Variants in ADGRL3 observed in about 807,000 individuals in gnomAD.
ADGRL3 encodes the protein adhesion G protein-coupled receptor L3.
In ADGRL3, 62 loss-of-function variants were observed where a neutral mutation model predicts 153.5. That is an observed-to-expected ratio of 0.40 (90% CI 0.33 to 0.50). The LOEUF is 0.50. ADGRL3 is among the 20% of genes least tolerant of loss of function. The probability of loss-of-function intolerance (pLI) is 0.47; values close to 1 mark genes in which losing one functional copy is unlikely to be tolerated. For missense variants in ADGRL3, 1,641 were observed against 1,859.4 expected (o/e 0.88, Z 2.16); for synonymous variants, 710 against 672.5 (o/e 1.06, Z -0.86).
rs576258088 is a variant in ADGRL3 at position 61,411,031 on chromosome 4, A to G, written c.-174+27842A>G. 4.6e-4 allele frequency among the ~76,000 whole-genome samples: 70 copies of G among 152,304 alleles called. 2 individuals carry two copies. The highest frequency in any genetic ancestry group is 4.0e-3 in the Admixed American group (61 of 15,298). ...AAATTCAGAGATAAAATTGGTAAGA[A>G]TTTCAGGGAGATTATTGAGGTATGA... On this transcript the variant is annotated intron_variant, in intron 2 of 26. Transcript: ENST00000683033.
chr4:61,296,976 A>G (rs946201696), intron 1 of ADGRL3, among the ~76,000 whole-genome samples: 5 of 152,194 alleles, frequency 3.3e-5, no homozygotes, highest in African/African-American at 1.2e-4. Flanking sequence ...CACTATTTCA[A>G]AAGAGAAAGA....
intron 23 of ADGRL3, among the ~76,000 whole-genome samples, chr4:62,031,974 C>T (rs1178428836): frequency 2.9e-5 from 4 of 137,072 alleles, no homozygotes; most frequent in Non-Finnish European, 5.0e-5. Context: ...CACACACACA[C>T]ACACACACAC....
At chr4:61,419,423 G>A (rs2097177799) in intron 2 of ADGRL3, among the ~76,000 whole-genome samples, 1 of 150,592 alleles carries the variant, frequency 6.6e-6, no homozygotes, top group Admixed American at 6.6e-5. Flanking sequence ...GCCAACCCAG[G>A]GGGCAAGGTG....
At chr4:61,914,200 A>T (rs2098734853) in intron 13 of ADGRL3, among the ~76,000 whole-genome samples, 1 of 152,110 alleles carries the variant, frequency 6.6e-6, no homozygotes. Context: ...TCTCCTGAGC[A>T]ACACAAGAAC....
intron 17 of ADGRL3, among the ~76,000 whole-genome samples, chr4:61,978,397 A>C (rs559666706): frequency 1.3e-4 from 20 of 151,908 alleles, no homozygotes; most frequent in Admixed American, 1.1e-3. Context: ...AATATAGTAC[A>C]CTGATTTTCT....
chr4:61,436,581 A>C (rs1468849411), intron 2 of ADGRL3, among the ~76,000 whole-genome samples: 1 of 152,188 alleles, frequency 6.6e-6, no homozygotes, highest in Non-Finnish European at 1.5e-5. Context: ...GAGCAATGAA[A>C]TCTGCCAAAG....
At chr4:61,930,170 T>A (rs2098811811) in intron 13 of ADGRL3, among the ~76,000 whole-genome samples, 1 of 145,170 alleles carries the variant, frequency 6.9e-6, no homozygotes, top group African/African-American at 2.6e-5. Context: ...AGCAAGACTC[T>A]GTCTCAAAAA....
At chr4:62,019,240 T>C (rs2099226879) in intron 21 of ADGRL3, among the ~76,000 whole-genome samples, 1 of 152,098 alleles carries the variant, frequency 6.6e-6, no homozygotes, top group African/African-American at 2.4e-5. Context: ...GAATTATTCG[T>C]TGAGTTTTAG....
intron 21 of ADGRL3, among the ~76,000 whole-genome samples, chr4:62,023,282 C>T (rs1231228857): frequency 1.3e-5 from 2 of 152,116 alleles, no homozygotes; most frequent in Non-Finnish European, 2.9e-5. Flanking sequence ...GCAATCTCAT[C>T]ATCAAATTTT....
At chr4:61,478,958 T>C (rs1257971353) in intron 2 of ADGRL3, among the ~76,000 whole-genome samples, 1 of 152,080 alleles carries the variant, frequency 6.6e-6, no homozygotes, top group Non-Finnish European at 1.5e-5. Context: ...CTTTCTGTAA[T>C]GTGGGTCATA....
At chr4:61,341,052 T>C (rs1422757840) in intron 1 of ADGRL3, among the ~76,000 whole-genome samples, 2 of 151,956 alleles carry the variant, frequency 1.3e-5, no homozygotes, top group African/African-American at 4.8e-5. Flanking sequence ...ATATCAGTTG[T>C]GAAGTAATGA....
chr4:61,570,723 T>C (rs77995290), intron 4 of ADGRL3, among the ~76,000 whole-genome samples: 9,206 of 152,194 alleles, frequency 0.06, 885 homozygotes, highest in African/African-American at 0.21. Context: ...CCTTCTGTGC[T>C]CCAGCTCTTT....
intron 1 of ADGRL3, among the ~76,000 whole-genome samples, chr4:61,299,739 A>G (rs1233847638): frequency 1.3e-5 from 2 of 152,160 alleles, no homozygotes; most frequent in Admixed American, 6.5e-5. Flanking sequence ...AAGTATCTGA[A>G]TGTAACTCTT....
intron 1 of ADGRL3, among the ~76,000 whole-genome samples, chr4:61,205,825 C>T (rs1018221998): frequency 2.0e-5 from 3 of 152,066 alleles, no homozygotes; most frequent in Non-Finnish European, 2.9e-5. Context: ...GAGAATGTAG[C>T]GTGAGCATGC....
chr4:61,364,268 G>A (rs1405537751), intron 1 of ADGRL3, among the ~76,000 whole-genome samples: 1 of 150,600 alleles, frequency 6.6e-6, no homozygotes, highest in Non-Finnish European at 1.5e-5. Context: ...GGCAGGCAGA[G>A]ATTGCAGTGA....
At chr4:61,611,066 A>C (rs1376978125) in intron 5 of ADGRL3, among the ~76,000 whole-genome samples, 1 of 152,116 alleles carries the variant, frequency 6.6e-6, no homozygotes, top group Non-Finnish European at 1.5e-5. Flanking sequence ...TAAACCCTAA[A>C]ATTTCGGTTG....
At chr4:61,244,830 G>A (rs188305712) in intron 1 of ADGRL3, among the ~76,000 whole-genome samples, 4 of 152,092 alleles carry the variant, frequency 2.6e-5, no homozygotes, top group African/African-American at 9.6e-5. Context: ...CAACTTCACC[G>A]ATGGCTTCTG....
At chr4:61,916,992 C>T (rs2149914936) in intron 13 of ADGRL3, among the ~76,000 whole-genome samples, 1 of 152,120 alleles carries the variant, frequency 6.6e-6, no homozygotes, top group East Asian at 1.9e-4. Context: ...ATTTATTAGG[C>T]ATTAATTATG....
intron 5 of ADGRL3, among the ~76,000 whole-genome samples, chr4:61,650,704 A>C (rs2094214715): frequency 6.6e-6 from 1 of 152,094 alleles, no homozygotes; most frequent in Non-Finnish European, 1.5e-5. Context: ...AGTAAATAGT[A>C]ATAATTTGAC....
Sources: allele counts gnomAD v4.1 joint callset (sites outside exome capture counted in the v4.1 genomes callset), GRCh38; gene constraint gnomAD v4.1.1; transcripts MANE v1.5; gene names NCBI Gene and HGNC (gene_info 2026-07-23, HGNC 2026-07-21).